Variants in PAH observed in about 807,000 individuals in gnomAD.
PAH encodes phenylalanine hydroxylase, also known as phenylalanine-4-hydroxylase.
A neutral mutation model predicts 62.0 loss-of-function variants in PAH; 64 were observed. The ratio of observed to expected loss-of-function variants is 1.03; its 90% CI spans 0.84 to 1.27. PAH has a LOEUF of 1.27. Among genes scored for constraint, PAH ranks in the 50% most tolerant of loss-of-function variants. PAH has a pLI of 0.00. For synonymous variants in PAH, 195 were observed against 196.2 expected (o/e 0.99, Z 0.05); for missense variants, 579 against 542.8 (o/e 1.07, Z -0.66).
At chr12:102,875,024 C>T (rs1876504395) in intron 4 of PAH, among the ~76,000 whole-genome samples, 1 of 152,190 alleles carries the variant, frequency 6.6e-6, no homozygotes, top group African/African-American at 2.4e-5. Flanking sequence ...TGTTTGCACT[C>T]ACACACTGAG....
At chr12:102,867,890 CATATATAGATGTAT>C (rs1414499056) in intron 4 of PAH, among the ~76,000 whole-genome samples, 1 of 138,644 alleles carries the variant, frequency 7.2e-6, no homozygotes, top group Non-Finnish European at 1.6e-5. Context: ...CATGTATATA[CATATATAGATGTAT>C]ATATACATGT....
rs997261598 is a variant in PAH, at chr12:102,838,048, G to A, written c.*1127C>T. 3 of 152,288 alleles carry A rather than the reference G, an allele frequency of 2.0e-5. No individual in the cohort carries two copies. In the South Asian group the frequency reaches 6.2e-4, roughly 32 times the overall value. The allele number at this position is 152,288 out of a possible 1,614,324, so 9.4% of individuals were successfully genotyped here. ...TATTTCCAAAATAAAATGTAAAGTA[G>A]TATGAGAATTTCAAATCATAGCTAC... On this transcript the variant is annotated 3_prime_UTR_variant, in exon 13 of 13. Transcript: ENST00000553106.
chr12:102,871,937 AAAAAAAAAAAAAATATATATATAT>A (rs60005119), intron 4 of PAH, among the ~76,000 whole-genome samples: 16,151 of 87,042 alleles, frequency 0.19, 910 homozygotes, highest in African/African-American at 0.24. Context: ...AAAAAAAAAA[AAAAAAAAAAAAAATATATATATAT>A]ATATATATAT....
intron 1 of PAH, among the ~76,000 whole-genome samples, chr12:102,939,075 C>A (rs548321190): frequency 6.6e-6 from 1 of 152,208 alleles, no homozygotes; most frequent in East Asian, 1.9e-4. Flanking sequence ...CAGAGAGGAG[C>A]CCAGTCTCTC....
intron 2 of PAH, among the ~76,000 whole-genome samples, chr12:102,902,523 G>A (rs1278797822): frequency 1.3e-5 from 2 of 152,204 alleles, no homozygotes; most frequent in Non-Finnish European, 2.9e-5. Context: ...AGTTGCAAAG[G>A]TTGGAGAAGT....
Position 102,917,081 on chromosome 12 carries a change from T to A in PAH, c.50A>T (p.Asp17Val). ...GCTGCCGTGGCTCACCTGTCCAAAG[T>A]CAGAGAGTTTCCTGCCCAAGCCTGG... ...ENPGLGRKLS[D>V]FGQETSYIED... Residue 17 changes from aspartate to valine, a missense_variant, in exon 1 of 13, where the codon GAC becomes GTC. Physicochemically the swap from Asp to Val is radical, Grantham distance 152. Coordinates refer to ENST00000553106, the MANE Select transcript of PAH (RefSeq NM_000277.3). 1.2e-6 allele frequency: 2 copies of A among 1,614,184 alleles called. No homozygotes were observed. The highest frequency in any genetic ancestry group is 1.7e-6 in the Non-Finnish European group (2 of 1,180,026).
intron 1 of PAH, among the ~76,000 whole-genome samples, chr12:102,925,494 C>A (rs1276575643): frequency 6.6e-6 from 1 of 152,122 alleles, no homozygotes; most frequent in East Asian, 1.9e-4. Context: ...ACAATCAAAT[C>A]TAATCACAAC....
Position 102,843,641 on chromosome 12 carries a change from C to T in PAH, c.1199+5G>A. The T allele has an allele frequency of 6.2e-7, 1 of 1,613,540 alleles. No homozygotes were observed. The highest frequency in any genetic ancestry group is 8.5e-7 in the Non-Finnish European group (1 of 1,179,698). On this transcript the variant is annotated splice_donor_5th_base_variant and intron_variant, in intron 11 of 12. Transcript: ENST00000553106. The stretch of plus-strand genomic sequence containing the variant: ...GCTAGTGGCTCACCTTTGTCACCAC[C>T]TCACCTTACTTTCTCCTTGGCATCA...
At chr12:102,883,914 A>AT (rs1236691779) in intron 3 of PAH, among the ~76,000 whole-genome samples, 1 of 152,234 alleles carries the variant, frequency 6.6e-6, no homozygotes, top group African/African-American at 2.4e-5. Flanking sequence ...AGCTATACTA[A>AT]TAGTACGTCC....
chr12:102,839,202 A>C lies in PAH; in HGVS notation c.1332T>G (p.Leu444=), dbSNP rs957481163. ...ACTTTATTTTCTGGAGGGCACTGCA[A>C]AGGATTCCAATTTCACCTACAAAGA... ...ADSINSEIGI[L]CSALQKIK is the part of the protein sequence containing the mutation. The change falls in exon 13 of 13, where the codon CTT becomes CTG. Residue 444 remains leucine (L), a synonymous_variant. Transcript: ENST00000553106. 1 of 1,613,950 alleles carries C rather than the reference A, an allele frequency of 6.2e-7. No individual in the cohort carries two copies.
intron 1 of PAH, among the ~76,000 whole-genome samples, chr12:102,938,389 TC>T (rs1879176373): frequency 1.3e-5 from 2 of 152,142 alleles, no homozygotes; most frequent in African/African-American, 4.8e-5. Context: ...CTCACATGGA[TC>T]CCCAAGGGTC....
At chr12:102,938,304 C>G (rs1245729502) in intron 1 of PAH, among the ~76,000 whole-genome samples, 1 of 152,196 alleles carries the variant, frequency 6.6e-6, no homozygotes, top group Admixed American at 6.5e-5. Context: ...GTGACCCTCC[C>G]CACAACGCCC....
intron 2 of PAH, among the ~76,000 whole-genome samples, chr12:102,897,465 G>GTATATATATATATA (rs376902236): frequency 3.2e-5 from 3 of 93,968 alleles, no homozygotes; most frequent in South Asian, 6.2e-4. Flanking sequence ...GTGTGTGTGT[G>GTATATATATATATA]TATATATATA....
At chr12:102,895,762 G>A (rs1442705073) in intron 2 of PAH, among the ~76,000 whole-genome samples, 2 of 151,310 alleles carry the variant, frequency 1.3e-5, no homozygotes, top group Non-Finnish European at 2.9e-5. Flanking sequence ...GGCTGAGACA[G>A]GGGAATTGCT....
chr12:102,913,774 C>T (rs750293063), intron 1 of PAH: 1 of 699,794 alleles, frequency 1.4e-6, no homozygotes, highest in South Asian at 1.5e-5. Context: ...AACTAAATCT[C>T]AAAGAATGTC....
intron 4 of PAH, 136 bp downstream of exon 4, chr12:102,877,326 C>T (rs758295987): frequency 3.1e-5 from 24 of 769,994 alleles, no homozygotes; most frequent in Non-Finnish European, 4.5e-5. Context: ...TCCCAGCCCT[C>T]GTGTAAATAG....
chr12:102,868,275 C>T (rs928286803), intron 4 of PAH, among the ~76,000 whole-genome samples: 4 of 149,168 alleles, frequency 2.7e-5, no homozygotes, highest in African/African-American at 7.4e-5. Context: ...TGAGAATCTG[C>T]GGCATTGATT....
Position 102,877,213 on chromosome 12 carries a change from A to G in PAH, c.441+249T>C, listed in dbSNP as rs558754463. On this transcript the variant is annotated intron_variant, in intron 4 of 12. Transcript: ENST00000553106. ...TGTGTGTGTGTTTGTGCATACACAG[A>G]CCTAGTATATAGAGACAATAGTTTC... The G allele has an allele frequency of 2.0e-5, 11 of 537,544 alleles. No homozygotes were observed. In the African/African-American group the frequency reaches 2.1e-4, roughly 10 times the overall value. 33.3% of individuals were successfully genotyped at this position (537,544 alleles called of 1,614,324 possible). A position where few individuals can be genotyped will look rare whatever the true frequency, so the allele number is the denominator to read the frequency against.
Position 102,935,638 on chromosome 12 carries a change from G to A in PAH, c.-96+14951C>T, listed in dbSNP as rs374200588. Among the ~76,000 whole-genome samples, 29 of 152,140 alleles carry A rather than the reference G, an allele frequency of 1.9e-4. 1 individual carries two copies. In the South Asian group the frequency reaches 5.6e-3, roughly 29 times the overall value. Reference sequence around the variant, plus strand: ...AATATTGGTAGGTTTTATGTATCTAGGAATGTATCCATTTCTTCTAGGTTT... The same window carrying A: ...AATATTGGTAGGTTTTATGTATCTAAGAATGTATCCATTTCTTCTAGGTTT... On this transcript the variant is annotated intron_variant, in intron 1 of 3. Coordinates refer to the PAH transcript ENST00000546844.
Sources: gnomAD v4.1 joint callset for allele counts (sites outside exome capture counted in the v4.1 genomes callset) on GRCh38, gnomAD v4.1.1 for gene constraint, MANE v1.5 for transcripts, NCBI Gene and HGNC (gene_info 2026-07-23, HGNC 2026-07-21) for gene names.